Variants in GRIK2 observed in about 807,000 individuals in gnomAD.
GRIK2 encodes glutamate receptor ionotropic, kainate 2.
A neutral mutation model predicts 100.3 loss-of-function variants in GRIK2; 32 were observed. That is an observed-to-expected ratio of 0.32 (90% confidence interval 0.24 to 0.43). The LOEUF (loss-of-function observed/expected upper bound fraction) is 0.43, where lower values mean the gene tolerates loss of function less well. Among genes scored for constraint, GRIK2 ranks in the 20% least tolerant of loss-of-function variants. The pLI, the probability that GRIK2 is intolerant of heterozygous loss-of-function variation, is 1.00. For synonymous variants in GRIK2, 417 were observed against 389.4 expected, an observed-to-expected ratio of 1.07 and a Z score of -0.83; for missense variants, 843 against 1,114.9, an observed-to-expected ratio of 0.76 and a Z score of 3.47.
intron 10 of GRIK2, among the ~76,000 whole-genome samples, chr6:101,841,295 G>A (rs1270272231): frequency 6.6e-6 from 1 of 152,094 alleles, no homozygotes; most frequent in Non-Finnish European, 1.5e-5. Context: ...ACTGGGTTAA[G>A]CAGCAAAGTT....
At chr6:102,047,028 A>G (rs1770927060) in intron 15 of GRIK2, among the ~76,000 whole-genome samples, 1 of 152,174 alleles carries the variant, frequency 6.6e-6, no homozygotes, top group African/African-American at 2.4e-5. Context: ...CAGTAGAAAC[A>G]TAATATATCA....
chr6:101,884,098 G>GA (rs1311982868), intron 11 of GRIK2, among the ~76,000 whole-genome samples: 1 of 152,114 alleles, frequency 6.6e-6, no homozygotes, highest in Admixed American at 6.6e-5. Context: ...CATGTGTACA[G>GA]AAGTTGAGTT....
chr6:101,833,720 C>T (rs1457186097), intron 10 of GRIK2, among the ~76,000 whole-genome samples: 2 of 151,848 alleles, frequency 1.3e-5, no homozygotes, highest in Non-Finnish European at 2.9e-5. Flanking sequence ...GGCAAAAATA[C>T]TTATATTCCA....
intron 2 of GRIK2, among the ~76,000 whole-genome samples, chr6:101,525,816 G>A (rs943948363): frequency 1.3e-5 from 2 of 152,112 alleles, no homozygotes; most frequent in Admixed American, 6.6e-5. Context: ...GTTACATGAG[G>A]GAGGATTATC....
chr6:101,760,783 C>T (rs1777601829), intron 7 of GRIK2, among the ~76,000 whole-genome samples: 1 of 135,648 alleles, frequency 7.4e-6, no homozygotes, highest in African/African-American at 2.8e-5. Context: ...TTAACACAAA[C>T]TATGCCTCTT....
intron 14 of GRIK2, among the ~76,000 whole-genome samples, chr6:101,936,420 A>G (rs1048507904): frequency 6.6e-6 from 1 of 152,060 alleles, no homozygotes; most frequent in Non-Finnish European, 1.5e-5. Flanking sequence ...AAGTGTCATT[A>G]TATTTTTATT....
intron 14 of GRIK2, among the ~76,000 whole-genome samples, chr6:102,002,657 TG>T (rs1186675234): frequency 6.6e-6 from 1 of 150,688 alleles, no homozygotes; most frequent in African/African-American, 2.4e-5. Flanking sequence ...TTTTGGGTAA[TG>T]TACATTAACA....
chr6:101,608,029 T>A (rs1217387484), intron 2 of GRIK2, among the ~76,000 whole-genome samples: 2 of 130,796 alleles, frequency 1.5e-5, no homozygotes, highest in African/African-American at 3.0e-5. Context: ...AAGATTATTT[T>A]AAAATTATTT....
intron 4 of GRIK2, among the ~76,000 whole-genome samples, chr6:101,641,290 G>A (rs542413197): frequency 3.7e-4 from 57 of 152,054 alleles, no homozygotes; most frequent in African/African-American, 1.1e-3. Context: ...TGTCATTTAA[G>A]TATTTTTTTC....
chr6:101,958,253 T>TTGTGTGTGTGTGTGTGTGTGTGTGTG lies in GRIK2; in HGVS notation c.2085+29626_2085+29651dup, dbSNP rs1554292720. Among the ~76,000 whole-genome samples, 561 of 139,494 alleles carry TTGTGTGTGTGTGTGTGTGTGTGTGTG rather than the reference T, an allele frequency of 4.0e-3. 6 individuals are homozygous for TTGTGTGTGTGTGTGTGTGTGTGTGTG. Among genetic ancestry groups the TTGTGTGTGTGTGTGTGTGTGTGTGTG allele is most frequent in the Middle Eastern group, 7.6e-3 (2 of 262 alleles). The allele number at this position is 139,494 out of a possible 152,430, so 91.5% of individuals were successfully genotyped here. The stretch of plus-strand genomic sequence containing the variant: ...CTTGTTTAAATGTATTGCTACATAT[T>TTGTGTGTGTGTGTGTGTGTGTGTGTG]TGTGTGTGTGTGTGTGTGTGTGTGT... On this transcript the variant is annotated intron_variant, in intron 14 of 16. Coordinates refer to ENST00000369134, the MANE Select transcript of GRIK2 (RefSeq NM_021956.5).
In GRIK2 at chr6:101,722,004, C is replaced by T. The variant is rs141590424; in HGVS notation, c.951+35651C>T. ...TGTCAACTCTAAAAATACTTTAATC[C>T]ATTTGTGCTTTAATAACCTCATTAA... On this transcript the variant is annotated intron_variant, in intron 7 of 16. Coordinates refer to ENST00000369134, the MANE Select transcript of GRIK2 (RefSeq NM_021956.5). Among the ~76,000 whole-genome samples, 6 of 151,834 alleles carry T rather than the reference C, an allele frequency of 4.0e-5. No individual in the cohort carries two copies. The East Asian group carries it at 1.2e-3, about 30-fold the overall frequency.
chr6:101,941,975 G>T (rs1451708766), intron 14 of GRIK2, among the ~76,000 whole-genome samples: 1 of 151,798 alleles, frequency 6.6e-6, no homozygotes, highest in Non-Finnish European at 1.5e-5. Flanking sequence ...AATAAATAAA[G>T]AACTAGTGGC....
intron 2 of GRIK2, among the ~76,000 whole-genome samples, chr6:101,568,625 A>G (rs1777392168): frequency 6.6e-6 from 1 of 152,070 alleles, no homozygotes; most frequent in Non-Finnish European, 1.5e-5. Flanking sequence ...AAATGATGCT[A>G]CTAAGGATTT....
intron 7 of GRIK2, among the ~76,000 whole-genome samples, chr6:101,794,655 C>T (rs1192007921): frequency 1.3e-5 from 2 of 150,176 alleles, no homozygotes; most frequent in African/African-American, 2.5e-5. Flanking sequence ...TATTGTTTTT[C>T]TGTGTTCTCT....
chr6:101,912,151 A>G (rs1401659853), intron 12 of GRIK2, among the ~76,000 whole-genome samples: 1 of 151,176 alleles, frequency 6.6e-6, no homozygotes, highest in Non-Finnish European at 1.5e-5. Flanking sequence ...AGACAAGACT[A>G]TATAATCTGT....
At chr6:101,476,028 C>T (rs1009008417) in intron 2 of GRIK2, among the ~76,000 whole-genome samples, 1 of 152,022 alleles carries the variant, frequency 6.6e-6, no homozygotes, top group African/African-American at 2.4e-5. Flanking sequence ...ATGAGTATGT[C>T]AAAAACTGAA....
intron 13 of GRIK2, among the ~76,000 whole-genome samples, chr6:101,925,659 A>C (rs1013923238): frequency 6.6e-6 from 1 of 152,012 alleles, no homozygotes; most frequent in Non-Finnish European, 1.5e-5. Context: ...AAGAAAAAAA[A>C]ACATATTTCT....
intron 2 of GRIK2, among the ~76,000 whole-genome samples, chr6:101,483,793 C>G (rs1329680949): frequency 1.3e-5 from 2 of 152,154 alleles, no homozygotes; most frequent in Admixed American, 6.5e-5. Flanking sequence ...CCAGGCTGGT[C>G]TCCTGACCTC....
rs373171336 is a variant in GRIK2, at chr6:102,017,149, C to G, written c.2086-18192C>G. 5.9e-5 allele frequency among the ~76,000 whole-genome samples: 9 copies of G among 152,254 alleles called. 1 individual carries two copies. The highest frequency in any genetic ancestry group is 2.2e-4 in the African/African-American group (9 of 41,562). Reference sequence around the variant, plus strand: ...AAGCACTAAATATGGAAAGGAAAGACAATTGCTAGTCACTACAAAACACAC... The same window carrying G: ...AAGCACTAAATATGGAAAGGAAAGAGAATTGCTAGTCACTACAAAACACAC... On this transcript the variant is annotated intron_variant, in intron 14 of 16. Transcript: ENST00000369134.
Sources: gnomAD v4.1 joint callset for allele counts (sites outside exome capture counted in the v4.1 genomes callset) on GRCh38, gnomAD v4.1.1 for gene constraint, MANE v1.5 for transcripts, NCBI Gene and HGNC (gene_info 2026-07-23, HGNC 2026-07-21) for gene names.